Variants in AMMECR1 observed in about 807,000 individuals in gnomAD.
AMMECR1 encodes the protein nuclear protein AMMECR1.
A neutral mutation model predicts 22.5 loss-of-function variants in AMMECR1; 3 were observed. That is an observed-to-expected ratio of 0.13 (90% CI 0.06 to 0.35). The LOEUF (loss-of-function observed/expected upper bound fraction) is 0.35. Ranked by LOEUF, AMMECR1 falls within the 10% of genes least tolerant of loss-of-function variation. The pLI is 1.00. For synonymous variants in AMMECR1, 130 were observed against 116.7 expected, an observed-to-expected ratio of 1.11 and a Z score of -0.74; for missense variants, 235 against 278.7, an observed-to-expected ratio of 0.84 and a Z score of 1.12.
At chrX:110,226,668 C>A (rs991467239) in intron 2 of AMMECR1, among the ~76,000 whole-genome samples, 2 of 111,495 alleles carry the variant, frequency 1.8e-5, no homozygotes, top group African/African-American at 6.5e-5. Flanking sequence ...GAAATTAGGA[C>A]CGCCTGCCTC....
intron 2 of AMMECR1, among the ~76,000 whole-genome samples, chrX:110,217,889 T>G (rs193190594): frequency 2.3e-4 from 26 of 111,436 alleles, no homozygotes; most frequent in African/African-American, 8.4e-4. Context: ...CACCACATTT[T>G]GGTGCTCATT....
At chrX:110,379,504 A>C (rs2068403462) in intron 2 of AMMECR1, among the ~76,000 whole-genome samples, 2 of 111,261 alleles carry the variant, frequency 1.8e-5, no homozygotes. Flanking sequence ...TTCTGGATCC[A>C]CTCTGGGCCT....
At chrX:110,348,015 T>C (rs185617745) in intron 2 of AMMECR1, among the ~76,000 whole-genome samples, 69 of 112,577 alleles carry the variant, frequency 6.1e-4, no homozygotes, top group African/African-American at 2.1e-3. Context: ...AGCATTAATT[T>C]TAATTTCTCT....
intron 2 of AMMECR1, among the ~76,000 whole-genome samples, chrX:110,407,480 C>G: frequency 8.9e-6 from 1 of 112,502 alleles, no homozygotes; most frequent in Admixed American, 9.4e-5. Flanking sequence ...AAATAACAAC[C>G]ATTTACTAGC....
In AMMECR1 at chrX:110,195,728, C is replaced by T. The variant is rs996861200; in HGVS notation, c.*2792G>A. The T allele has an allele frequency of 8.9e-6, 1 of 112,126 alleles. No homozygotes were observed. The highest frequency in any genetic ancestry group is 1.9e-5 in the Non-Finnish European group (1 of 53,194). 9.2% of individuals were successfully genotyped at this position (112,126 alleles called of 1,213,427 possible). A position where few individuals can be genotyped will look rare whatever the true frequency, so the allele number is the denominator to read the frequency against. ...ACACAACCTGTGCAATCAGAATCTT[C>T]GTCTGAGTTAAAGACATGCTACATA... On this transcript the variant is annotated 3_prime_UTR_variant, in exon 6 of 6. Transcript: ENST00000262844.
At chrX:110,315,792 C>T (rs1317471357) in intron 1 of AMMECR1, among the ~76,000 whole-genome samples, 2 of 111,904 alleles carry the variant, frequency 1.8e-5, no homozygotes, top group Admixed American at 1.9e-4. Context: ...TTTTTGCAGT[C>T]CCATGACTTT....
intron 2 of AMMECR1, among the ~76,000 whole-genome samples, chrX:110,244,449 C>T (rs765462906): frequency 1.8e-4 from 20 of 111,794 alleles, no homozygotes; most frequent in African/African-American, 6.2e-4. Context: ...CTCCATATCC[C>T]CACTTTTGAA....
At chrX:110,231,362 A>G (rs929072464) in intron 2 of AMMECR1, among the ~76,000 whole-genome samples, 4 of 112,408 alleles carry the variant, frequency 3.6e-5, no homozygotes. Flanking sequence ...GCCAATATTC[A>G]ACATTCTTAA....
chrX:110,325,929 CT>C (rs1196064563), intron 2 of AMMECR1, among the ~76,000 whole-genome samples: 1 of 111,710 alleles, frequency 9.0e-6, no homozygotes, highest in Non-Finnish European at 1.9e-5. Context: ...CTAAGCACTT[CT>C]TTAGCTGCAT....
chrX:110,201,065 C>A lies in AMMECR1; in HGVS notation c.791-15G>T. ...ATGGTCCCATCCTGTAGAGAGATGA[C>A]CAGATAAAATATCAGTCAAGCACAT... On this transcript the variant is annotated splice_polypyrimidine_tract_variant and intron_variant, in intron 4 of 5. Coordinates refer to ENST00000262844, the MANE Select transcript of AMMECR1 (RefSeq NM_015365.3). 9.2e-7 allele frequency: 1 copy of A among 1,087,724 alleles called. No homozygotes were observed. Among genetic ancestry groups the A allele is most frequent in the South Asian group, 2.0e-5 (1 of 50,851 alleles). The allele number at this position is 1,087,724 out of a possible 1,213,427, so 89.6% of individuals were successfully genotyped here. A position where few individuals can be genotyped will look rare whatever the true frequency, so the allele number is the denominator to read the frequency against.
At chrX:110,321,460 C>T (rs1422786321), upstream of AMMECR1, among the ~76,000 whole-genome samples, 1 of 111,127 alleles carries the variant, frequency 9.0e-6, no homozygotes, top group Non-Finnish European at 1.9e-5. Context: ...TGTTAACTAA[C>T]TCCTGTCAAA....
In AMMECR1 at chrX:110,325,889, A is replaced by C. The variant is rs145719455; in HGVS notation, c.-147-8040T>G. ...TGAATTGAATTATTTCTTCTTTTTA[A>C]ATATAGGTATTATGGCTATCATTTT... On this transcript the variant is annotated intron_variant, in intron 2 of 7. Coordinates refer to the AMMECR1 transcript ENST00000372057. 2.8e-3 allele frequency among the ~76,000 whole-genome samples: 309 copies of C among 111,845 alleles called. 1 individual carries two copies. Among genetic ancestry groups the C allele is most frequent in the African/African-American group, 9.6e-3 (297 of 30,797 alleles).
chrX:110,394,506 G>A (rs2148290009), intron 2 of AMMECR1, among the ~76,000 whole-genome samples: 1 of 112,633 alleles, frequency 8.9e-6, no homozygotes, highest in East Asian at 2.8e-4. Flanking sequence ...TGATATTTTT[G>A]TGACCAGAAA....
At chrX:110,423,025 G>T (rs1428380054) in intron 2 of AMMECR1, among the ~76,000 whole-genome samples, 1 of 111,905 alleles carries the variant, frequency 8.9e-6, no homozygotes, top group African/African-American at 3.2e-5. Context: ...TACCCTTCAC[G>T]CTCATAAAGA....
intron 1 of AMMECR1, among the ~76,000 whole-genome samples, chrX:110,267,624 C>T (rs1345140106): frequency 9.0e-6 from 1 of 111,162 alleles, no homozygotes; most frequent in African/African-American, 3.3e-5. Context: ...GGCAGAACTA[C>T]GTTGTATATT....
At chrX:110,306,833 G>T (rs2067998276) in intron 1 of AMMECR1, 1 of 111,929 alleles carries the variant, frequency 8.9e-6, no homozygotes, top group Non-Finnish European at 1.9e-5. Flanking sequence ...TTTAGGTAAA[G>T]CCACTATTAT....
intron 2 of AMMECR1, among the ~76,000 whole-genome samples, chrX:110,227,568 C>T (rs1359907353): frequency 8.9e-6 from 1 of 111,908 alleles, no homozygotes; most frequent in Non-Finnish European, 1.9e-5. Context: ...TTCCTTTTCC[C>T]CACCTTTTGT....
At chrX:110,358,897 G>A (rs965580098) in intron 2 of AMMECR1, 6 of 111,449 alleles carry the variant, frequency 5.4e-5, no homozygotes, top group African/African-American at 2.0e-4. Flanking sequence ...TGCCAGCCAT[G>A]AGGACTGGAG....
intron 2 of AMMECR1, among the ~76,000 whole-genome samples, chrX:110,349,392 C>T (rs1310246608): frequency 8.9e-6 from 1 of 111,763 alleles, no homozygotes; most frequent in African/African-American, 3.3e-5. Flanking sequence ...TCCTGGTTTC[C>T]TCACATGGCA....
Sources: allele counts gnomAD v4.1 joint callset (sites outside exome capture counted in the v4.1 genomes callset), GRCh38; gene constraint gnomAD v4.1.1; transcripts MANE v1.5; gene names NCBI Gene and HGNC (gene_info 2026-07-23, HGNC 2026-07-21).